Variants in SLC35F4 observed in about 807,000 individuals in gnomAD.
The protein encoded by SLC35F4 is solute carrier family 35 member F4.
Under a neutral mutation model 44.2 loss-of-function variants are expected in SLC35F4, and 24 were observed. The observed-to-expected ratio is 0.54, with a 90% CI of 0.39 to 0.76. The LOEUF is 0.76. Among genes scored for constraint, SLC35F4 ranks in the 30% least tolerant of loss-of-function variants. SLC35F4 has a pLI of 0.00. For missense variants in SLC35F4, 562 were observed against 586.1 expected, an observed-to-expected ratio of 0.96 and a Z score of 0.42; for synonymous variants, 238 against 223.6, an observed-to-expected ratio of 1.06 and a Z score of -0.57.
intron 1 of SLC35F4, among the ~76,000 whole-genome samples, chr14:57,752,001 T>C (rs1469596374): frequency 6.6e-6 from 1 of 152,048 alleles, no homozygotes; most frequent in African/African-American, 2.4e-5. Flanking sequence ...TTTTTCCAAA[T>C]ACATGGGTAG....
intron 1 of SLC35F4, among the ~76,000 whole-genome samples, chr14:57,670,931 G>A (rs2074497926): frequency 7.3e-6 from 1 of 137,588 alleles, no homozygotes; most frequent in Admixed American, 7.6e-5. Flanking sequence ...TTGAGACGGA[G>A]TCTTGCTCTG....
At chr14:57,686,167 G>A (rs1423856061) in intron 1 of SLC35F4, among the ~76,000 whole-genome samples, 5 of 152,158 alleles carry the variant, frequency 3.3e-5, no homozygotes, top group African/African-American at 1.2e-4. Context: ...TTATGGAGGA[G>A]GCGTTGATTC....
At chr14:57,819,648 A>G (rs1258962051) in intron 1 of SLC35F4, among the ~76,000 whole-genome samples, 1 of 151,530 alleles carries the variant, frequency 6.6e-6, no homozygotes, top group Admixed American at 6.6e-5. Flanking sequence ...TACTAAAAAA[A>G]AAAAAAATAC....
Position 57,746,033 on chromosome 14 carries a change from T to C in SLC35F4, c.103+119690A>G, listed in dbSNP as rs1357565537. On this transcript the variant is annotated intron_variant, in intron 1 of 7. Coordinates refer to ENST00000556826, the MANE Select transcript of SLC35F4 (RefSeq NM_001306087.2). ...TCACTCATAGGTGGGAATTGAACAA[T>C]GAGAACACTTGAATACAGGGTGGGG... 2.0e-5 allele frequency among the ~76,000 whole-genome samples: 3 copies of C among 148,640 alleles called. No homozygotes were observed. The East Asian group carries it at 6.0e-4, about 30-fold the overall frequency.
intron 1 of SLC35F4, among the ~76,000 whole-genome samples, chr14:57,597,911 A>G (rs184630753): frequency 6.6e-6 from 1 of 152,344 alleles, no homozygotes; most frequent in Admixed American, 6.5e-5. Flanking sequence ...ACAGTGGCTA[A>G]GAAACCAGGC....
chr14:57,797,130 T>A (rs913206064), intron 1 of SLC35F4, among the ~76,000 whole-genome samples: 2 of 152,202 alleles, frequency 1.3e-5, no homozygotes, highest in Non-Finnish European at 2.9e-5. Context: ...CATAAAACCA[T>A]TTTTAAAAGG....
At chr14:57,934,689 G>C (rs1466795751) in intron 1 of SLC35F4, among the ~76,000 whole-genome samples, 2 of 151,966 alleles carry the variant, frequency 1.3e-5, no homozygotes, top group Non-Finnish European at 2.9e-5. Flanking sequence ...GTCCCCTAAT[G>C]AAGCCAGGTC....
intron 1 of SLC35F4, among the ~76,000 whole-genome samples, chr14:57,640,704 A>G (rs1409057313): frequency 1.3e-5 from 2 of 152,038 alleles, no homozygotes; most frequent in South Asian, 2.1e-4. Context: ...GAGCCCTGAT[A>G]TATCATTTTG....
chr14:57,787,080 C>T (rs924507717), intron 1 of SLC35F4, among the ~76,000 whole-genome samples: 2 of 152,036 alleles, frequency 1.3e-5, no homozygotes, highest in Non-Finnish European at 2.9e-5. Flanking sequence ...AGCAAAAATT[C>T]GAGAAACTTT....
At chr14:57,707,543 G>C (rs1193266977) in intron 1 of SLC35F4, among the ~76,000 whole-genome samples, 1 of 152,150 alleles carries the variant, frequency 6.6e-6, no homozygotes, top group East Asian at 1.9e-4. Flanking sequence ...GAAGAACTAT[G>C]AGTCAATGAA....
intron 1 of SLC35F4, among the ~76,000 whole-genome samples, chr14:57,893,322 C>T (rs1888808372): frequency 6.6e-6 from 1 of 152,154 alleles, no homozygotes; most frequent in South Asian, 2.1e-4. Flanking sequence ...TAAGCATGTA[C>T]TATCTGTCAG....
intron 1 of SLC35F4, among the ~76,000 whole-genome samples, chr14:57,664,504 G>A (rs938763541): frequency 7.9e-5 from 12 of 152,184 alleles, no homozygotes; most frequent in Admixed American, 2.0e-4. Flanking sequence ...CGCCTTCCAC[G>A]TTCAAGTGAT....
intron 1 of SLC35F4, among the ~76,000 whole-genome samples, chr14:57,938,301 G>A (rs1483082241): frequency 6.6e-6 from 1 of 152,120 alleles, no homozygotes; most frequent in Non-Finnish European, 1.5e-5. Flanking sequence ...GGTAATATAA[G>A]AAGTAGTGTT....
intron 1 of SLC35F4, among the ~76,000 whole-genome samples, chr14:57,844,262 C>T (rs1885778927): frequency 6.6e-6 from 1 of 152,108 alleles, no homozygotes; most frequent in African/African-American, 2.4e-5. Flanking sequence ...GCTCAAACCC[C>T]AGCTGGAATG....
intron 1 of SLC35F4, among the ~76,000 whole-genome samples, chr14:57,893,335 A>G (rs1888808726): frequency 6.6e-6 from 1 of 152,224 alleles, no homozygotes. Context: ...TCTGTCAGGC[A>G]TTACATACAT....
chr14:57,834,870 A>G (rs148776947), intron 1 of SLC35F4, among the ~76,000 whole-genome samples: 2 of 152,280 alleles, frequency 1.3e-5, no homozygotes, highest in Non-Finnish European at 2.9e-5. Context: ...CTCTACTAAA[A>G]CTACAAAAAT....
At chr14:57,851,328 T>C (rs1886543133) in intron 1 of SLC35F4, among the ~76,000 whole-genome samples, 1 of 152,230 alleles carries the variant, frequency 6.6e-6, no homozygotes, top group Non-Finnish European at 1.5e-5. Context: ...TAGCCTGTAC[T>C]TGTGAAGTAA....
At chr14:57,945,439 A>ATATGTG (rs1890007421) in intron 1 of SLC35F4, among the ~76,000 whole-genome samples, 1 of 104,690 alleles carries the variant, frequency 9.6e-6, no homozygotes, top group Non-Finnish European at 1.8e-5. Flanking sequence ...AGCAATGATA[A>ATATGTG]TGTGTGTGTG....
chr14:57,730,791 GTCAAGGAAGTC>G (rs2076324686), intron 1 of SLC35F4, among the ~76,000 whole-genome samples: 1 of 3,612 alleles, frequency 2.8e-4, no homozygotes, highest in East Asian at 6.9e-3. Flanking sequence ...TCATAAGTCT[GTCAAGGAAGTC>G]TGTCAAGGAA....
Sources: gnomAD v4.1 joint callset for allele counts (sites outside exome capture counted in the v4.1 genomes callset) on GRCh38, gnomAD v4.1.1 for gene constraint, MANE v1.5 for transcripts, NCBI Gene and HGNC (gene_info 2026-07-23, HGNC 2026-07-21) for gene names.